Variants in ZNF469 observed in about 807,000 individuals in gnomAD.
ZNF469 encodes the protein zinc finger protein 469.
A neutral mutation model predicts 1.0 loss-of-function variants in ZNF469; 1 was observed. That is an observed-to-expected ratio of 1.00 (90% CI 0.35 to 4.73). ZNF469 has a LOEUF of 4.73. ZNF469 is among the 30% of genes most tolerant of loss of function. The pLI, the probability that ZNF469 is intolerant of heterozygous loss-of-function variation, is 0.16. For synonymous variants in ZNF469, 2,703 were observed against 2,363.4 expected (o/e 1.14, Z -4.17); for missense variants, 6,100 against 5,356.3 (o/e 1.14, Z -4.33).
the ZNF469 span, among the ~76,000 whole-genome samples, chr16:88,300,227 T>C: frequency 2.0e-4 from 31 of 152,278 alleles, 1 homozygote; most frequent in East Asian, 6.0e-3. Flanking sequence ...ACTGGGTTGC[T>C]GGAGGCACAG....
the ZNF469 span, among the ~76,000 whole-genome samples, chr16:88,306,110 G>C: frequency 6.6e-6 from 1 of 152,240 alleles, no homozygotes; most frequent in Non-Finnish European, 1.5e-5. Flanking sequence ...TGTGTTGTGG[G>C]CCTAAGGAAG....
At chr16:88,390,462 C>A (rs561579777) in intron 1 of ZNF469, among the ~76,000 whole-genome samples, 1 of 152,342 alleles carries the variant, frequency 6.6e-6, no homozygotes, top group African/African-American at 2.4e-5. Flanking sequence ...TCCAGCCAAA[C>A]AGGAGGCGGC....
At chr16:88,412,523 C>A (rs1174414815) in intron 1 of ZNF469, among the ~76,000 whole-genome samples, 1 of 152,220 alleles carries the variant, frequency 6.6e-6, no homozygotes, top group East Asian at 1.9e-4. Context: ...AACCCTTGAC[C>A]TTTCCTGGGC....
the ZNF469 span, among the ~76,000 whole-genome samples, chr16:88,183,194 C>T: frequency 0.1 from 15,511 of 152,202 alleles, 1,019 homozygotes; most frequent in East Asian, 0.26. Flanking sequence ...AAATGCCGCG[C>T]GCCTGGAGTC....
In ZNF469 at chr16:88,433,049, C is replaced by T. The variant is rs1457606211; in HGVS notation, c.5579C>T (p.Ala1860Val). The change falls in exon 3 of 3, where the codon GCG becomes GTG. Residue 1860 changes from alanine (A) to valine (V), a missense_variant. Transcript: ENST00000565624. ...TTTGAGGGTAATGAGTTTGCACCGG[C>T]GGGGGCCTCCTCACTGACTGCCCCC... ...PGFEGNEFAPAGASSLTAPRG... is the reference protein window; with the variant it reads ...PGFEGNEFAPVGASSLTAPRG... 1.5e-5 allele frequency: 24 copies of T among 1,550,264 alleles called. No individual in the cohort carries two copies. Among genetic ancestry groups the T allele is most frequent in the Middle Eastern group, 1.7e-4 (1 of 5,990 alleles).
At chr16:88,137,428 G>A in the ZNF469 span, among the ~76,000 whole-genome samples, 1 of 152,034 alleles carries the variant, frequency 6.6e-6, no homozygotes, top group Non-Finnish European at 1.5e-5. Context: ...AGCTATATGT[G>A]CATGCAACCG....
the ZNF469 span, among the ~76,000 whole-genome samples, chr16:88,282,573 G>A: frequency 6.6e-6 from 1 of 152,204 alleles, no homozygotes. Flanking sequence ...ACAGAGGGGA[G>A]TGTGTATAAG....
chr16:88,289,686 A>G, the ZNF469 span, among the ~76,000 whole-genome samples: 1 of 152,202 alleles, frequency 6.6e-6, no homozygotes, highest in African/African-American at 2.4e-5. Flanking sequence ...AGGTAGTCTG[A>G]CTACAGAGAG....
the ZNF469 span, among the ~76,000 whole-genome samples, chr16:88,218,202 G>T: frequency 1.4e-5 from 2 of 147,832 alleles, no homozygotes; most frequent in Non-Finnish European, 1.5e-5. Flanking sequence ...GTGATGATGA[G>T]CATTTTTTCA....
In ZNF469 at chr16:88,434,269, C is replaced by G. The variant is rs1314700215; in HGVS notation, c.6799C>G (p.Arg2267Gly). The G allele has an allele frequency of 6.5e-7, 1 of 1,550,340 alleles. No homozygotes were observed. The highest frequency in any genetic ancestry group is 2.0e-5 in the Admixed American group (1 of 51,014). The change falls in exon 3 of 3, where the codon CGA (arginine) becomes GGA (glycine). Residue 2267 changes from arginine (R) to glycine (G), a missense_variant. Transcript: ENST00000565624. Reference sequence around the variant, plus strand: ...AGAGAAGCTGTGGGAGTCTCCTGGCCGAGCCACCTCTCCTCCTCTGGCAGG... The same window carrying G: ...AGAGAAGCTGTGGGAGTCTCCTGGCGGAGCCACCTCTCCTCCTCTGGCAGG... ...RKEKLWESPG[R>G]ATSPPLAGAV... is the part of the protein sequence containing the mutation.
the ZNF469 span, among the ~76,000 whole-genome samples, chr16:88,116,013 G>A: frequency 6.6e-6 from 1 of 152,242 alleles, no homozygotes; most frequent in South Asian, 2.1e-4. Flanking sequence ...TGCGCTCTGG[G>A]AAAGGCTCTT....
the ZNF469 span, among the ~76,000 whole-genome samples, chr16:88,249,720 G>A: frequency 2.6e-5 from 4 of 152,188 alleles, no homozygotes; most frequent in Non-Finnish European, 5.9e-5. Context: ...ACAGGCGTGA[G>A]CCACCACGCC....
intron 1 of ZNF469, among the ~76,000 whole-genome samples, chr16:88,423,975 A>T (rs1454694593): frequency 6.6e-6 from 1 of 152,260 alleles, no homozygotes; most frequent in Non-Finnish European, 1.5e-5. Flanking sequence ...AGGAGTGTTA[A>T]AGAATGTGTG....
At chr16:88,380,662 C>T (rs190274303), upstream of ZNF469, among the ~76,000 whole-genome samples, 21 of 144,122 alleles carry the variant, frequency 1.5e-4, no homozygotes, top group South Asian at 4.8e-4. Context: ...CACACAGACA[C>T]GCCCTCACAC....
the ZNF469 span, among the ~76,000 whole-genome samples, chr16:88,158,677 C>T: frequency 4.2e-3 from 637 of 152,174 alleles, 5 homozygotes; most frequent in African/African-American, 0.015. Context: ...ATGTGGCCAC[C>T]GCTGCCCCTC....
Position 88,427,769 on chromosome 16 carries a change from G to A in ZNF469, c.299G>A (p.Ser100Asn). ...AGCCCCCAGACCCCACCGGGGAGAA[G>A]CCCCTTGCAGGCTCCCTCAAGGCTG... Reference protein sequence around the residue: ...RGSPQTPPGRSPLQAPSRLAG... With the variant: ...RGSPQTPPGRNPLQAPSRLAG... The change falls in exon 3 of 3, where the codon AGC (serine) becomes AAC (asparagine). Residue 100 changes from serine (S) to asparagine (N), a missense_variant. By Grantham distance (46) the Ser-to-Asn change is conservative. Coordinates refer to ENST00000565624, the MANE Select transcript of ZNF469 (RefSeq NM_001367624.2). The A allele has an allele frequency of 6.5e-7, 1 of 1,545,854 alleles. No homozygotes were observed. Among genetic ancestry groups the A allele is most frequent in the Non-Finnish European group, 8.7e-7 (1 of 1,146,594 alleles).
the ZNF469 span, among the ~76,000 whole-genome samples, chr16:88,203,837 A>G: frequency 6.6e-6 from 1 of 152,048 alleles, no homozygotes; most frequent in South Asian, 2.1e-4. Flanking sequence ...GACTAATTAC[A>G]TCTGCAAAGA....
At chr16:88,108,643 G>C in the ZNF469 span, among the ~76,000 whole-genome samples, 13 of 152,220 alleles carry the variant, frequency 8.5e-5, no homozygotes, top group African/African-American at 2.9e-4. Flanking sequence ...TGACTTCCCT[G>C]AAAGCAGGTG....
At chr16:88,316,510 C>T in the ZNF469 span, among the ~76,000 whole-genome samples, 21 of 146,754 alleles carry the variant, frequency 1.4e-4, no homozygotes, top group African/African-American at 5.3e-4. Flanking sequence ...CAGTGTGCGT[C>T]AGCTTGGCTG....
Sources: gnomAD v4.1 joint callset for allele counts (sites outside exome capture counted in the v4.1 genomes callset) on GRCh38, gnomAD v4.1.1 for gene constraint, MANE v1.5 for transcripts, NCBI Gene and HGNC (gene_info 2026-07-23, HGNC 2026-07-21) for gene names.